Variants in ACTL6A observed in about 807,000 individuals in gnomAD.
ACTL6A encodes the protein actin like 6A.
ACTL6A carries 5 observed loss-of-function variants against 59.2 expected under a neutral mutation model. The ratio of observed to expected loss-of-function variants is 0.08; its 90% CI spans 0.04 to 0.18. The LOEUF (loss-of-function observed/expected upper bound fraction) is 0.18. Among genes scored for constraint, ACTL6A ranks in the 10% least tolerant of loss-of-function variants. The probability of loss-of-function intolerance (pLI) is 1.00; values close to 1 mark genes in which losing one functional copy is unlikely to be tolerated. For missense variants in ACTL6A, 285 were observed against 526.9 expected, an observed-to-expected ratio of 0.54 and a Z score of 4.49; for synonymous variants, 154 against 171.8, an observed-to-expected ratio of 0.90 and a Z score of 0.81.
intron 1 of ACTL6A, among the ~76,000 whole-genome samples, chr3:179,565,072 G>A (rs1411019744): frequency 1.3e-5 from 2 of 152,092 alleles, no homozygotes; most frequent in Admixed American, 6.6e-5. Flanking sequence ...GCAGGAAATA[G>A]TGGTGCATCA....
intron 5 of ACTL6A, 148 bp downstream of exon 5, chr3:179,574,615 A>G (rs1718111236): frequency 4.5e-6 from 3 of 663,104 alleles, no homozygotes; most frequent in South Asian, 3.4e-5. Flanking sequence ...TTCATCTTTT[A>G]GTATTTCTTG....
intron 5 of ACTL6A, 61 bp from the exon 6 acceptor site, chr3:179,576,155 CT>C (rs1456982494): frequency 8.2e-7 from 1 of 1,217,946 alleles, no homozygotes; most frequent in African/African-American, 1.5e-5. Flanking sequence ...AGAGCCTGCC[CT>C]TTACAATAAA....
intron 13 of ACTL6A, among the ~76,000 whole-genome samples, chr3:179,587,140 A>T (rs951927192): frequency 1.3e-5 from 2 of 152,008 alleles, no homozygotes; most frequent in Admixed American, 6.6e-5. Context: ...GACTTAGAGC[A>T]TTTCTCCCCT....
intron 13 of ACTL6A, 167 bp downstream of exon 13, chr3:179,586,799 A>G: frequency 1.7e-6 from 1 of 580,092 alleles, no homozygotes; most frequent in Non-Finnish European, 2.9e-6. Context: ...ATGTAACAAA[A>G]TGCCTCTGCC....
intron 1 of ACTL6A, 63 bp downstream of exon 1, chr3:179,563,180 C>G: frequency 6.4e-7 from 1 of 1,552,914 alleles, no homozygotes; most frequent in Non-Finnish European, 8.7e-7. Context: ...GTAACCGCCG[C>G]TCCCAGCCCT....
chr3:179,576,867 A>G lies in ACTL6A; in HGVS notation c.722A>G (p.Glu241Gly). ...TCTCCAGCAAACTGGAAAAGAAAAG[A>G]GAAGTTGCCTCAGGTTACGAGGTCT... ...EGSPANWKRK[E>G]KLPQVTRSWH... The change falls in exon 8 of 14, where the codon GAG becomes GGG. Residue 241 changes from glutamate to glycine, a missense_variant. Coordinates refer to ENST00000429709, the MANE Select transcript of ACTL6A (RefSeq NM_004301.5). 1.9e-6 allele frequency: 3 copies of G among 1,614,100 alleles called. No individual in the cohort carries two copies. The highest frequency in any genetic ancestry group is 2.5e-6 in the Non-Finnish European group (3 of 1,179,996).
chr3:179,572,273 G>A, intron 3 of ACTL6A, among the ~76,000 whole-genome samples: 1 of 151,994 alleles, frequency 6.6e-6, no homozygotes, highest in South Asian at 2.1e-4. Flanking sequence ...AAAAGAAAAA[G>A]TTTCTGGAAG....
At chr3:179,578,490 C>T (rs1468881238) in intron 8 of ACTL6A, among the ~76,000 whole-genome samples, 1 of 151,912 alleles carries the variant, frequency 6.6e-6, no homozygotes, top group Non-Finnish European at 1.5e-5. Context: ...TGGGGGTGTG[C>T]ACCTTTAGTC....
In ACTL6A at chr3:179,562,935, T is replaced by G; in HGVS notation, c.-158T>G. ...GATAGGAGGAGCCAGCAAGTGTGGCTGAGCTCCGGGGTGTGTGGACGCCGC... is the reference window on the plus strand; with the variant it reads ...GATAGGAGGAGCCAGCAAGTGTGGCGGAGCTCCGGGGTGTGTGGACGCCGC... On this transcript the variant is annotated 5_prime_UTR_variant, in exon 1 of 14. Coordinates refer to ENST00000429709, the MANE Select transcript of ACTL6A (RefSeq NM_004301.5). The G allele has an allele frequency of 1.1e-6, 1 of 895,430 alleles. No individual in the cohort carries two copies. Among genetic ancestry groups the G allele is most frequent in the Non-Finnish European group, 1.8e-6 (1 of 562,392 alleles). 55.5% of individuals were successfully genotyped at this position (895,430 alleles called of 1,614,324 possible). A position where few individuals can be genotyped will look rare whatever the true frequency, so the allele number is the denominator to read the frequency against.
chr3:179,565,773 T>G (rs1248183576), intron 1 of ACTL6A, among the ~76,000 whole-genome samples: 4 of 152,184 alleles, frequency 2.6e-5, no homozygotes, highest in Admixed American at 6.5e-5. Context: ...GATTTAAATT[T>G]TATCAAATAC....
intron 1 of ACTL6A, among the ~76,000 whole-genome samples, chr3:179,565,488 A>G (rs1027603238): frequency 6.7e-6 from 1 of 149,436 alleles, no homozygotes; most frequent in Non-Finnish European, 1.5e-5. Flanking sequence ...TATATATTAT[A>G]TGTTATATAT....
At chr3:179,586,793 A>G in intron 13 of ACTL6A, 161 bp downstream of exon 13, 1 of 596,594 alleles carries the variant, frequency 1.7e-6, no homozygotes, top group Non-Finnish European at 2.8e-6. Context: ...GTTCTGATGT[A>G]ACAAAATGCC....
At chr3:179,585,666 C>T (rs1452959785) in intron 12 of ACTL6A, among the ~76,000 whole-genome samples, 3 of 152,092 alleles carry the variant, frequency 2.0e-5, no homozygotes, top group Non-Finnish European at 4.4e-5. Flanking sequence ...ACTTATTTCA[C>T]TTTGAAAAGC....
At chr3:179,579,077 A>C (rs1423744905) in intron 8 of ACTL6A, among the ~76,000 whole-genome samples, 1 of 152,198 alleles carries the variant, frequency 6.6e-6, no homozygotes, top group African/African-American at 2.4e-5. Context: ...AATAATAGCC[A>C]TTCTGACTGG....
At chr3:179,587,115 C>A (rs900295417) in intron 13 of ACTL6A, among the ~76,000 whole-genome samples, 13 of 152,228 alleles carry the variant, frequency 8.5e-5, no homozygotes, top group African/African-American at 1.4e-4. Context: ...AGTCCTTGTA[C>A]TTTTCTGCAT....
chr3:179,565,484 TTA>T (rs1717807817), intron 1 of ACTL6A, among the ~76,000 whole-genome samples: 1 of 149,270 alleles, frequency 6.7e-6, no homozygotes, highest in Non-Finnish European at 1.5e-5. Context: ...ATATTATATA[TTA>T]TATGTTATAT....
intron 8 of ACTL6A, among the ~76,000 whole-genome samples, chr3:179,578,950 G>C (rs1038896119): frequency 6.6e-6 from 1 of 151,988 alleles, no homozygotes; most frequent in South Asian, 2.1e-4. Context: ...ATTCTTAGTT[G>C]GCCAGGCTGG....
chr3:179,573,218 A>G (rs1718065391), intron 3 of ACTL6A, 151 bp from the exon 4 acceptor site: 3 of 530,168 alleles, frequency 5.7e-6, no homozygotes, highest in East Asian at 3.4e-5. Flanking sequence ...TAATCTCTAT[A>G]TAAAGTAATG....
chr3:179,575,399 A>G lies in ACTL6A; in HGVS notation c.477-818A>G, dbSNP rs763024531. 4.2e-5 allele frequency: 19 copies of G among 456,466 alleles called. 1 individual carries two copies. The highest frequency in any genetic ancestry group is 1.9e-4 in the Admixed American group (8 of 42,536). 28.3% of individuals were successfully genotyped at this position (456,466 alleles called of 1,614,324 possible). ...TGGGACATCCTGAGCTTTTCTTTTT[A>G]CAGCTTTATTCATCATCTACTTCAC... On this transcript the variant is annotated intron_variant, in intron 5 of 13. Coordinates refer to ENST00000429709, the MANE Select transcript of ACTL6A (RefSeq NM_004301.5).
Sources: allele counts gnomAD v4.1 joint callset (sites outside exome capture counted in the v4.1 genomes callset), GRCh38; gene constraint gnomAD v4.1.1; transcripts MANE v1.5; gene names NCBI Gene and HGNC (gene_info 2026-07-23, HGNC 2026-07-21).